Variants in C6orf89 observed in about 807,000 individuals in gnomAD.
C6orf89 encodes chromosome 6 open reading frame 89, also known as bombesin receptor-activated protein C6orf89.
C6orf89 carries 29 observed loss-of-function variants against 40.7 expected under a neutral mutation model. That is an observed-to-expected ratio of 0.71 (90% confidence interval 0.53 to 0.97). The LOEUF (loss-of-function observed/expected upper bound fraction) is 0.97, where lower values mean the gene tolerates loss of function less well. Ranked by LOEUF, C6orf89 falls within the 50% of genes least tolerant of loss-of-function variation. C6orf89 has a pLI of 0.00. For missense variants in C6orf89, 392 were observed against 429.1 expected (o/e 0.91, Z 0.76); for synonymous variants, 165 against 152.2 (o/e 1.08, Z -0.62).
chr6:36,881,389 G>A (rs183118804), upstream of C6orf89, among the ~76,000 whole-genome samples: 366 of 152,252 alleles, frequency 2.4e-3, 1 homozygote, highest in African/African-American at 8.5e-3. Flanking sequence ...ATTAATTATA[G>A]GGGCCAGGCA....
chr6:36,914,413 G>A lies in C6orf89; in HGVS notation c.533G>A (p.Arg178Lys), dbSNP rs776233925. Reference protein sequence around the residue: ...LLEDAPRKFERLHPLVIKTGK... With the variant: ...LLEDAPRKFEKLHPLVIKTGK... ...GAAGACGCCCCAAGGAAATTTGAGAGGCTCCATCCACTGGTGATCAAGGTG... is the reference window on the plus strand; with the variant it reads ...GAAGACGCCCCAAGGAAATTTGAGAAGCTCCATCCACTGGTGATCAAGGTG... The change falls in exon 5 of 9, where the codon AGG (arginine) becomes AAG (lysine). Residue 178 changes from arginine to lysine, a missense_variant. By Grantham distance (26) the Arg-to-Lys change is conservative. Coordinates refer to ENST00000480824, the MANE Select transcript of C6orf89 (RefSeq NM_001286635.2). 9.9e-6 allele frequency: 16 copies of A among 1,614,074 alleles called. No homozygotes were observed. The highest frequency in any genetic ancestry group is 1.4e-5 in the Non-Finnish European group (16 of 1,180,026).
intron 8 of C6orf89, among the ~76,000 whole-genome samples, chr6:36,920,978 TAA>T (rs34178132): frequency 1.4e-5 from 2 of 145,994 alleles, no homozygotes; most frequent in Admixed American, 6.9e-5. Context: ...AGGGAAAAAT[TAA>T]AAAAAAAAAA....
At chr6:36,887,904 T>G (rs897635979) in intron 1 of C6orf89, among the ~76,000 whole-genome samples, 3 of 152,054 alleles carry the variant, frequency 2.0e-5, no homozygotes, top group Non-Finnish European at 4.4e-5. Context: ...TTATTTTTTT[T>G]GTAGATACAG....
At position 36,923,394 on chromosome 6, in the gene C6orf89, G is replaced by A. The variant is rs575027691; in HGVS notation, c.997G>A (p.Val333Ile). The change falls in exon 9 of 9, where the codon GTC becomes ATC. Residue 333 changes from valine to isoleucine, a missense_variant. Val to Ile is a conservative substitution (Grantham distance 29). Transcript: ENST00000480824. ...GAAGGTCTACGTTATAGCCAGAGGG[G>A]TCCAGCCTTTGGTCATCTGCGATGG... ...HWKVYVIARG[V>I]QPLVICDGTA... is the part of the protein sequence containing the mutation. 37 of 1,614,174 alleles carry A rather than the reference G, an allele frequency of 2.3e-5. 1 individual carries two copies. In the South Asian group the frequency reaches 4.1e-4, roughly 18 times the overall value.
chr6:36,920,707 A>G (rs1446278774), intron 8 of C6orf89, among the ~76,000 whole-genome samples: 1 of 152,168 alleles, frequency 6.6e-6, no homozygotes, highest in African/African-American at 2.4e-5. Flanking sequence ...CTCTTGGGAA[A>G]CTTCCTACAA....
chr6:36,913,573 C>T (rs1319433698), intron 4 of C6orf89, among the ~76,000 whole-genome samples: 2 of 152,284 alleles, frequency 1.3e-5, no homozygotes, highest in Non-Finnish European at 2.9e-5. Flanking sequence ...TCCACACCAG[C>T]CCCCCTGTGC....
intron 4 of C6orf89, among the ~76,000 whole-genome samples, chr6:36,908,155 C>G (rs1370645168): frequency 1.3e-5 from 2 of 152,206 alleles, no homozygotes; most frequent in African/African-American, 4.8e-5. Flanking sequence ...ACAGAGAAAT[C>G]AAAAGTAGTT....
At chr6:36,879,517 T>C (rs573813859) in intron 2 of C6orf89, among the ~76,000 whole-genome samples, 5 of 152,270 alleles carry the variant, frequency 3.3e-5, no homozygotes, top group African/African-American at 1.2e-4. Flanking sequence ...TTGGCTTCTC[T>C]CTCTCTGTGC....
At chr6:36,894,874 T>C (rs1218021931) in intron 2 of C6orf89, among the ~76,000 whole-genome samples, 3 of 152,226 alleles carry the variant, frequency 2.0e-5, no homozygotes, top group African/African-American at 7.2e-5. Context: ...GAAGTGTTCA[T>C]AGATTCTTAG....
chr6:36,923,612 G>A lies in C6orf89; in HGVS notation c.*171G>A, dbSNP rs767635655. On this transcript the variant is annotated 3_prime_UTR_variant, in exon 9 of 9. Coordinates refer to ENST00000480824, the MANE Select transcript of C6orf89 (RefSeq NM_001286635.2). The stretch of plus-strand genomic sequence containing the variant: ...GCTGCAAGGCAGTGGCCAGAGCCTC[G>A]CCCTCCTGACTCTTCCTGCAGGTGG... 1.8e-4 allele frequency: 117 copies of A among 667,744 alleles called. 2 individuals are homozygous for A. Among genetic ancestry groups the A allele is most frequent in the South Asian group, 1.0e-3 (66 of 64,554 alleles). The allele number at this position is 667,744 out of a possible 1,614,324, so 41.4% of individuals were successfully genotyped here. A position where few individuals can be genotyped will look rare whatever the true frequency, so the allele number is the denominator to read the frequency against.
upstream of C6orf89, chr6:36,885,933 G>A: frequency 8.3e-7 from 1 of 1,198,356 alleles, no homozygotes; most frequent in Non-Finnish European, 1.1e-6. Flanking sequence ...GGTTGCTTCC[G>A]GGTCGCGCTC....
rs949972082 is a variant in C6orf89 at position 36,927,163 on chromosome 6, G to A, written c.*3722G>A. 6.6e-6 allele frequency: 1 copy of A among 152,208 alleles called. No individual in the cohort carries two copies. Among genetic ancestry groups the A allele is most frequent in the Non-Finnish European group, 1.5e-5 (1 of 68,040 alleles). 9.4% of individuals were successfully genotyped at this position (152,208 alleles called of 1,614,324 possible). ...AGAGGAGGGACTCTGCTCAATTCCA[G>A]TTGTGGGTCCCCTTGGAGTTTACAT... On this transcript the variant is annotated 3_prime_UTR_variant, in exon 9 of 9. Transcript: ENST00000480824.
intron 8 of C6orf89, among the ~76,000 whole-genome samples, chr6:36,922,018 A>C (rs1310671663): frequency 1.3e-5 from 2 of 151,534 alleles, no homozygotes; most frequent in Non-Finnish European, 1.5e-5. Flanking sequence ...ATGAAGCGAG[A>C]CCCTGTCTCT....
At chr6:36,902,800 G>A (rs1182062463) in intron 4 of C6orf89, among the ~76,000 whole-genome samples, 1 of 152,154 alleles carries the variant, frequency 6.6e-6, no homozygotes, top group Non-Finnish European at 1.5e-5. Context: ...CATAGGTATT[G>A]GTTTATTGAA....
At chr6:36,874,396 T>C (rs1389583498) in intron 1 of C6orf89, among the ~76,000 whole-genome samples, 1 of 152,254 alleles carries the variant, frequency 6.6e-6, no homozygotes, top group Non-Finnish European at 1.5e-5. Flanking sequence ...TCTACCTCTG[T>C]ATCCTCAGAA....
In C6orf89 at chr6:36,874,559, G is replaced by C. The variant is rs192758601; in HGVS notation, c.-628+2592G>C. ...GCGGAGCTTGGACGCGGGCGATGGC[G>C]GTCCCCTCTCAACCCTCTGGGGGCC... On this transcript the variant is annotated intron_variant, in intron 1 of 9. Transcript: ENST00000359359. Among the ~76,000 whole-genome samples the C allele has an allele frequency of 3.3e-3, 503 of 152,344 alleles. 1 individual carries two copies. Among genetic ancestry groups the C allele is most frequent in the South Asian group, 4.4e-3 (21 of 4,826 alleles).
intron 2 of C6orf89, among the ~76,000 whole-genome samples, chr6:36,897,873 T>C (rs1330442974): frequency 6.6e-6 from 1 of 152,166 alleles, no homozygotes; most frequent in Non-Finnish European, 1.5e-5. Context: ...ACACGTACTA[T>C]GTCAGTACTT....
upstream of C6orf89, chr6:36,883,341 G>A (rs1354911527): frequency 6.6e-6 from 1 of 152,022 alleles, no homozygotes; most frequent in Non-Finnish European, 1.5e-5. Context: ...TACATCCATT[G>A]GAACCCTTAA....
At chr6:36,872,792 T>G (rs1583122434) in intron 1 of C6orf89, among the ~76,000 whole-genome samples, 1 of 152,280 alleles carries the variant, frequency 6.6e-6, no homozygotes, top group East Asian at 1.9e-4. Context: ...TATTTTTTTG[T>G]AGAGATGGGG....
Sources: gnomAD v4.1 joint callset for allele counts (sites outside exome capture counted in the v4.1 genomes callset) on GRCh38, gnomAD v4.1.1 for gene constraint, MANE v1.5 for transcripts, NCBI Gene and HGNC (gene_info 2026-07-23, HGNC 2026-07-21) for gene names.